CSMD3: variants seen among roughly 807,000 people sequenced by gnomAD.
CSMD3 encodes CUB and sushi domain-containing protein 3.
CSMD3 carries 177 observed loss-of-function variants against 435.2 expected under a neutral mutation model. That is an observed-to-expected ratio of 0.41 (90% CI 0.36 to 0.46). CSMD3 has a LOEUF of 0.46. CSMD3 is among the 20% of genes least tolerant of loss of function. CSMD3 has a pLI of 0.34. For missense variants in CSMD3, 4,265 were observed against 4,504.6 expected (o/e 0.95, Z 1.52); for synonymous variants, 1,656 against 1,520.5 (o/e 1.09, Z -2.07).
intron 26 of CSMD3, among the ~76,000 whole-genome samples, chr8:112,551,519 A>G (rs758697092): frequency 1.3e-5 from 2 of 152,168 alleles, no homozygotes; most frequent in Non-Finnish European, 2.9e-5. Context: ...TTTATGTTTG[A>G]TACATGAATC....
chr8:112,685,041 T>C (rs1736889839), intron 15 of CSMD3, among the ~76,000 whole-genome samples: 1 of 152,204 alleles, frequency 6.6e-6, no homozygotes. Context: ...AGGGAAACTC[T>C]ATTTCTCTTT....
At chr8:113,378,762 AGTGTGT>A (rs5894145) in intron 1 of CSMD3, among the ~76,000 whole-genome samples, 1 of 148,166 alleles carries the variant, frequency 6.7e-6, no homozygotes, top group African/African-American at 2.5e-5. Flanking sequence ...GTCACACTGA[AGTGTGT>A]GTGTGTGTGT....
At chr8:112,417,208 A>C (rs935502462) in intron 32 of CSMD3, among the ~76,000 whole-genome samples, 1 of 152,158 alleles carries the variant, frequency 6.6e-6, no homozygotes, top group African/African-American at 2.4e-5. Flanking sequence ...GTCCTGTGAT[A>C]TTAAGGTATT....
At chr8:112,813,855 G>A (rs188447084) in intron 12 of CSMD3, among the ~76,000 whole-genome samples, 1 of 152,256 alleles carries the variant, frequency 6.6e-6, no homozygotes, top group East Asian at 1.9e-4. Context: ...GGAGTCCTGT[G>A]GTTCTTCACC....
At chr8:112,539,432 G>T (rs1409061495) in intron 27 of CSMD3, 1 of 151,918 alleles carries the variant, frequency 6.6e-6, no homozygotes, top group East Asian at 1.9e-4. Flanking sequence ...ATTCCTATAG[G>T]ATCAGAAAAG....
At position 112,506,731 on chromosome 8, in the gene CSMD3, T is replaced by C; in HGVS notation, c.4855A>G (p.Thr1619Ala). ...PHSRDCDWTI[T>A]VNADYVISLA... ...GAGATAACATAGTCTGCATTGACGG[T>C]GATAGTCCAGTCACAGTCTCTGCTA... is the stretch of plus-strand genomic sequence containing the variant. Residue 1619 changes from threonine to alanine, a missense_variant, in exon 29 of 71, where the codon ACC becomes GCC. Transcript: ENST00000297405. 6.2e-7 allele frequency: 1 copy of C among 1,613,646 alleles called. No homozygotes were observed. The highest frequency in any genetic ancestry group is 8.5e-7 in the Non-Finnish European group (1 of 1,179,610).
At chr8:112,226,051 G>A (rs921096573) in intron 70 of CSMD3, among the ~76,000 whole-genome samples, 1 of 151,912 alleles carries the variant, frequency 6.6e-6, no homozygotes, top group Non-Finnish European at 1.5e-5. Flanking sequence ...CTGAACAATC[G>A]AATTTCAACT....
intron 3 of CSMD3, among the ~76,000 whole-genome samples, chr8:113,225,518 A>G (rs544858593): frequency 2.6e-5 from 4 of 151,524 alleles, no homozygotes; most frequent in Non-Finnish European, 5.9e-5. Flanking sequence ...AGAAAATCAA[A>G]TACCACATGT....
At chr8:113,098,505 C>T (rs1039358698) in intron 5 of CSMD3, 1 of 467,424 alleles carries the variant, frequency 2.1e-6, no homozygotes, top group African/African-American at 2.0e-5. Context: ...GACTGGCATG[C>T]TAAAAAACAC....
intron 1 of CSMD3, among the ~76,000 whole-genome samples, chr8:113,360,267 C>T (rs968845885): frequency 2.6e-5 from 4 of 152,198 alleles, no homozygotes; most frequent in Middle Eastern, 3.4e-3. Flanking sequence ...AGGTTTTATA[C>T]CCTACTTCAG....
At chr8:113,394,332 T>C (rs1251680575) in intron 1 of CSMD3, among the ~76,000 whole-genome samples, 3 of 152,244 alleles carry the variant, frequency 2.0e-5, no homozygotes, top group East Asian at 3.9e-4. Flanking sequence ...ATATCGAATG[T>C]TTCTAAAATA....
chr8:112,767,090 C>T (rs2077998656), intron 13 of CSMD3, among the ~76,000 whole-genome samples: 1 of 151,424 alleles, frequency 6.6e-6, no homozygotes, highest in African/African-American at 2.4e-5. Context: ...TTTGGGATTC[C>T]TGAAGTAAAA....
At chr8:112,956,847 T>C (rs539019565) in intron 7 of CSMD3, among the ~76,000 whole-genome samples, 150 of 152,226 alleles carry the variant, frequency 9.9e-4, no homozygotes, top group Non-Finnish European at 2.0e-3. Context: ...TGTCAATTTA[T>C]CTTTAATAAT....
chr8:112,802,400 CTTTGA>C (rs1442999219), intron 12 of CSMD3, among the ~76,000 whole-genome samples: 3 of 151,708 alleles, frequency 2.0e-5, no homozygotes, highest in African/African-American at 7.3e-5. Context: ...GTACTTAGCT[CTTTGA>C]TTTAACTTCC....
chr8:112,718,561 A>T (rs185323248), intron 13 of CSMD3, among the ~76,000 whole-genome samples: 4 of 151,268 alleles, frequency 2.6e-5, no homozygotes, highest in Non-Finnish European at 4.4e-5. Context: ...AGTAATATGC[A>T]TAATAATGCA....
At chr8:113,388,145 AAC>A (rs2094447194) in intron 1 of CSMD3, among the ~76,000 whole-genome samples, 1 of 151,862 alleles carries the variant, frequency 6.6e-6, no homozygotes, top group East Asian at 1.9e-4. Context: ...GTATATAGGT[AAC>A]ACAGAGCTAA....
At chr8:112,695,517 G>T in intron 13 of CSMD3, among the ~76,000 whole-genome samples, 1 of 152,098 alleles carries the variant, frequency 6.6e-6, no homozygotes. Flanking sequence ...AAAGGCCTTT[G>T]ACAAAATTCA....
intron 1 of CSMD3, among the ~76,000 whole-genome samples, chr8:113,391,890 T>A (rs1379520439): frequency 2.0e-5 from 3 of 152,056 alleles, no homozygotes; most frequent in African/African-American, 7.2e-5. Flanking sequence ...AGCATTCTGA[T>A]TAGCAGCAAT....
chr8:113,153,512 T>C (rs551798822), intron 4 of CSMD3, among the ~76,000 whole-genome samples: 3 of 152,072 alleles, frequency 2.0e-5, no homozygotes, highest in Admixed American at 1.3e-4. Flanking sequence ...ATCTGTTACA[T>C]GATAAAAATA....
Sources: allele counts gnomAD v4.1 joint callset (sites outside exome capture counted in the v4.1 genomes callset), GRCh38; gene constraint gnomAD v4.1.1; transcripts MANE v1.5; gene names NCBI Gene and HGNC (gene_info 2026-07-23, HGNC 2026-07-21).